The following NCKAP5 variants were observed in gnomAD, a reference collection of about 807,000 sequenced individuals.
NCKAP5 encodes nck-associated protein 5.
A neutral mutation model predicts 167.0 loss-of-function variants in NCKAP5; 92 were observed. That is an observed-to-expected ratio of 0.55 (90% CI 0.47 to 0.66). The LOEUF (loss-of-function observed/expected upper bound fraction) is 0.66. Among genes scored for constraint, NCKAP5 ranks in the 30% least tolerant of loss-of-function variants. NCKAP5 has a pLI of 0.00. For synonymous variants in NCKAP5, 891 were observed against 877.4 expected, an observed-to-expected ratio of 1.02 and a Z score of -0.27; for missense variants, 2,378 against 2,315.0, an observed-to-expected ratio of 1.03 and a Z score of -0.56.
chr2:133,027,868 G>C (rs996716565), intron 6 of NCKAP5, among the ~76,000 whole-genome samples: 19 of 152,062 alleles, frequency 1.2e-4, no homozygotes, highest in Non-Finnish European at 1.8e-4. Context: ...ATCACTTTGA[G>C]TTTCTACTTG....
intron 3 of NCKAP5, among the ~76,000 whole-genome samples, chr2:133,383,617 C>T (rs528285969): frequency 2.0e-5 from 3 of 152,268 alleles, no homozygotes; most frequent in African/African-American, 7.2e-5. Context: ...ATTTCTAGTT[C>T]TAGAACCCTG....
At chr2:133,607,710 C>G in the NCKAP5 span, among the ~76,000 whole-genome samples, 5 of 152,152 alleles carry the variant, frequency 3.3e-5, no homozygotes, top group South Asian at 4.2e-4. Context: ...AAAGCTCAAC[C>G]CTTTGATTTA....
At chr2:133,547,923 T>A (rs1349643869) in intron 2 of NCKAP5, among the ~76,000 whole-genome samples, 12 of 146,130 alleles carry the variant, frequency 8.2e-5, no homozygotes, top group Non-Finnish European at 1.7e-4. Context: ...GACGATCAAA[T>A]TACTCTGAGC....
At chr2:132,838,674 T>G (rs957158856) in intron 11 of NCKAP5, among the ~76,000 whole-genome samples, 1 of 152,150 alleles carries the variant, frequency 6.6e-6, no homozygotes, top group African/African-American at 2.4e-5. Flanking sequence ...ATCACTCATC[T>G]GCTTTTGCTT....
chr2:132,970,580 A>C (rs2076801481), intron 7 of NCKAP5, among the ~76,000 whole-genome samples: 1 of 152,230 alleles, frequency 6.6e-6, no homozygotes, highest in Admixed American at 6.5e-5. Context: ...GCTAGAACTC[A>C]GAAAGCTAAA....
chr2:132,746,059 A>T lies in NCKAP5; in HGVS notation c.5129-14008T>A, dbSNP rs185724707. Among the ~76,000 whole-genome samples, 228 of 151,894 alleles carry T rather than the reference A, an allele frequency of 1.5e-3. 2 individuals are homozygous for T. The South Asian group carries it at 0.016, about 11-fold the overall frequency. ...TCAAAACACTATCAGGTTTTTTTTT[A>T]AAAAAAGACGTTGACACATTGATTC... On this transcript the variant is annotated intron_variant, in intron 16 of 19. Coordinates refer to ENST00000409261, the MANE Select transcript of NCKAP5 (RefSeq NM_207363.3).
At chr2:132,999,159 T>C (rs1217413584) in intron 6 of NCKAP5, among the ~76,000 whole-genome samples, 1 of 152,240 alleles carries the variant, frequency 6.6e-6, no homozygotes, top group Non-Finnish European at 1.5e-5. Flanking sequence ...ACATTAGGTA[T>C]AAATGCAGGC....
At chr2:132,827,149 G>C (rs1374739) in intron 11 of NCKAP5, among the ~76,000 whole-genome samples, 26,093 of 152,120 alleles carry the variant, frequency 0.17, 2,640 homozygotes, top group East Asian at 0.29. Context: ...AACTGCAACA[G>C]TTAAAATGAC....
intron 8 of NCKAP5, among the ~76,000 whole-genome samples, chr2:132,889,386 C>T (rs1419823251): frequency 1.3e-5 from 2 of 152,172 alleles, no homozygotes; most frequent in Non-Finnish European, 2.9e-5. Flanking sequence ...TTTATGTGTA[C>T]ATTCAATTAC....
intron 6 of NCKAP5, among the ~76,000 whole-genome samples, chr2:133,112,460 T>TA (rs1194836692): frequency 6.1e-5 from 9 of 147,134 alleles, no homozygotes; most frequent in African/African-American, 2.0e-4. Flanking sequence ...GGCAACAGAG[T>TA]AAGACTCCGT....
At chr2:133,647,616 CAGAA>C in the NCKAP5 span, among the ~76,000 whole-genome samples, 3 of 105,122 alleles carry the variant, frequency 2.9e-5, no homozygotes, top group African/African-American at 1.1e-4. Flanking sequence ...AGAGGAGAGA[CAGAA>C]AGATAGAAGG....
At chr2:133,487,809 A>G (rs1481136435) in intron 3 of NCKAP5, among the ~76,000 whole-genome samples, 2 of 152,206 alleles carry the variant, frequency 1.3e-5, no homozygotes, top group African/African-American at 4.8e-5. Context: ...AGAAAGACGT[A>G]AAGTCCAGTT....
chr2:132,821,669 A>G (rs1324078936), intron 11 of NCKAP5, among the ~76,000 whole-genome samples: 1 of 152,050 alleles, frequency 6.6e-6, no homozygotes, highest in Non-Finnish European at 1.5e-5. Context: ...TGGGTAGCTC[A>G]CAGTCTGGGG....
intron 8 of NCKAP5, among the ~76,000 whole-genome samples, chr2:132,879,780 GGTATA>G (rs1277724910): frequency 5.9e-5 from 9 of 152,030 alleles, no homozygotes; most frequent in African/African-American, 2.2e-4. Context: ...TGGAAGTAGG[GGTATA>G]GTAATCTAAA....
At chr2:133,006,434 G>T (rs2077969595) in intron 6 of NCKAP5, among the ~76,000 whole-genome samples, 1 of 152,136 alleles carries the variant, frequency 6.6e-6, no homozygotes, top group African/African-American at 2.4e-5. Context: ...TTCATCAGAT[G>T]GTTACAATCC....
chr2:133,271,013 G>A (rs1194450885), intron 4 of NCKAP5, among the ~76,000 whole-genome samples: 3 of 148,636 alleles, frequency 2.0e-5, no homozygotes, highest in African/African-American at 7.5e-5. Context: ...TCTGCCTCCC[G>A]GGTTCACGTC....
intron 12 of NCKAP5, among the ~76,000 whole-genome samples, chr2:132,795,811 C>T (rs1684533547): frequency 8.3e-6 from 1 of 121,208 alleles, no homozygotes. Flanking sequence ...AGGATGAGAC[C>T]CCGTATCAGA....
At chr2:133,534,587 T>A (rs972210251) in intron 2 of NCKAP5, among the ~76,000 whole-genome samples, 1 of 152,224 alleles carries the variant, frequency 6.6e-6, no homozygotes, top group South Asian at 2.1e-4. Flanking sequence ...AGAATCATGA[T>A]AAGTAATCTT....
At chr2:133,311,799 T>C (rs1457863437) in intron 3 of NCKAP5, among the ~76,000 whole-genome samples, 1 of 152,182 alleles carries the variant, frequency 6.6e-6, no homozygotes, top group Non-Finnish European at 1.5e-5. Flanking sequence ...TAGTACCCTA[T>C]CTACAAGGGT....
Sources: gnomAD v4.1 joint callset for allele counts (sites outside exome capture counted in the v4.1 genomes callset) on GRCh38, gnomAD v4.1.1 for gene constraint, MANE v1.5 for transcripts, NCBI Gene and HGNC (gene_info 2026-07-23, HGNC 2026-07-21) for gene names.